The following FLYWCH1 variants were observed in gnomAD, a reference collection of about 807,000 sequenced individuals.
FLYWCH1 encodes FLYWCH-type zinc finger-containing protein 1.
FLYWCH1 carries 75 observed loss-of-function variants against 66.4 expected under a neutral mutation model. That is an observed-to-expected ratio of 1.13 (90% confidence interval 0.94 to 1.37). The LOEUF (loss-of-function observed/expected upper bound fraction) is 1.37. Among genes scored for constraint, FLYWCH1 ranks in the 40% most tolerant of loss-of-function variants. The pLI is 0.00. For missense variants in FLYWCH1, 1,334 were observed against 1,001.8 expected (o/e 1.33, Z -4.48); for synonymous variants, 595 against 429.9 (o/e 1.38, Z -4.75).
intron 2 of FLYWCH1, among the ~76,000 whole-genome samples, chr16:2,921,130 C>CGTGCGCAGCCCCTTGCTGG (rs2070360238): frequency 6.6e-6 from 1 of 152,186 alleles, no homozygotes; most frequent in Non-Finnish European, 1.5e-5. Context: ...CGTGAGCCAC[C>CGTGCGCAGCCCCTTGCTGG]ATTCCCAGAC....
chr16:2,947,868 T>C (rs534678188), intron 9 of FLYWCH1, among the ~76,000 whole-genome samples: 8 of 151,650 alleles, frequency 5.3e-5, no homozygotes, highest in South Asian at 2.1e-4. Context: ...ACCCCATCTC[T>C]ACAAAAAAAA....
rs184749828 is a variant in FLYWCH1 at position 2,917,143 on chromosome 16, G to A, written c.-74+2854G>A. Among the ~76,000 whole-genome samples the A allele has an allele frequency of 4.8e-3, 691 of 145,404 alleles. 7 individuals are homozygous for A. The highest frequency in any genetic ancestry group is 0.017 in the African/African-American group (668 of 40,384). On this transcript the variant is annotated intron_variant, in intron 2 of 9. Coordinates refer to ENST00000253928, the MANE Select transcript of FLYWCH1 (RefSeq NM_001308068.2). The stretch of plus-strand genomic sequence containing the variant: ...TGCACTCCAGCCCAGGTGAAAGAGC[G>A]AAACTCTGTCTCAAAAATAAAAAAA...
In FLYWCH1 at chr16:2,929,669, A is replaced by C. The variant is rs751467215; in HGVS notation, c.-17A>C. The C allele has an allele frequency of 2.5e-6, 4 of 1,603,288 alleles. No homozygotes were observed. The highest frequency in any genetic ancestry group is 2.6e-6 in the Non-Finnish European group (3 of 1,174,836). On this transcript the variant is annotated 5_prime_UTR_variant, in exon 3 of 10. Transcript: ENST00000253928. The stretch of plus-strand genomic sequence containing the variant: ...GGGTGCTGAGCGTGGCCTGAGGGAC[A>C]GGCCCTGGGTCCCGGGATGCCCCTG...
At chr16:2,943,175 C>CT (rs2071342379) in intron 9 of FLYWCH1, among the ~76,000 whole-genome samples, 1 of 152,158 alleles carries the variant, frequency 6.6e-6, no homozygotes. Flanking sequence ...AACGTACCTA[C>CT]ATGAGCAACC....
At chr16:2,930,364 T>G (rs76343455) in intron 3 of FLYWCH1, 46 bp from the exon 4 acceptor site, 1 of 1,257,106 alleles carries the variant, frequency 8.0e-7, no homozygotes, top group South Asian at 1.6e-5. Flanking sequence ...CCTGCGACCC[T>G]GAGCTTTGCT....
Position 2,914,471 on chromosome 16 carries a change from T to C in FLYWCH1, c.-74+182T>C, listed in dbSNP as rs993702019. On this transcript the variant is annotated intron_variant, in intron 2 of 9. Coordinates refer to ENST00000253928, the MANE Select transcript of FLYWCH1 (RefSeq NM_001308068.2). Reference sequence around the variant, plus strand: ...CAGCGTCCCAGTAGGCCATCTGGCATTGCACTCAAATTGCTCCGCACCCTC... The same window carrying C: ...CAGCGTCCCAGTAGGCCATCTGGCACTGCACTCAAATTGCTCCGCACCCTC... Among the ~76,000 whole-genome samples, 3 of 152,204 alleles carry C rather than the reference T, an allele frequency of 2.0e-5. No individual in the cohort carries two copies. The East Asian group carries it at 5.8e-4, about 29-fold the overall frequency.
At chr16:2,938,651 T>C (rs1162291729) in intron 8 of FLYWCH1, among the ~76,000 whole-genome samples, 195 bp downstream of exon 8, 5 of 150,852 alleles carry the variant, frequency 3.3e-5, no homozygotes, top group Admixed American at 1.3e-4. Flanking sequence ...CTTGCTCTGT[T>C]GCCCAGGCTG....
intron 4 of FLYWCH1, among the ~76,000 whole-genome samples, chr16:2,932,398 G>A (rs1186014301): frequency 6.6e-6 from 1 of 151,736 alleles, no homozygotes; most frequent in Non-Finnish European, 1.5e-5. Context: ...AATTTCTGGA[G>A]TTTCAGGAGC....
In FLYWCH1 at chr16:2,938,322, G is replaced by GCCGCAGCCGCGCCATAACCCAGGGCCA; in HGVS notation, c.1922_1948dup (p.Ser641_Arg649dup). The GCCGCAGCCGCGCCATAACCCAGGGCCA allele has an allele frequency of 6.2e-7, 1 of 1,607,672 alleles. No homozygotes were observed. The highest frequency in any genetic ancestry group is 1.3e-5 in the African/African-American group (1 of 74,950). ...TGCCGGGACCAGGCTCGGCTGGGCT[G>GCCGCAGCCGCGCCATAACCCAGGGCCA]CCGCAGCCGCGCCATAACCCAGGGC... On this transcript the variant is annotated inframe_insertion, in exon 8 of 10. Transcript: ENST00000253928.
At chr16:2,932,184 G>C (rs1186639530) in intron 4 of FLYWCH1, among the ~76,000 whole-genome samples, 1 of 149,542 alleles carries the variant, frequency 6.7e-6, no homozygotes, top group Non-Finnish European at 1.5e-5. Flanking sequence ...GGGAGGCTAA[G>C]GCAGAATTGC....
chr16:2,948,844 C>A lies in FLYWCH1; in HGVS notation c.*117C>A. The A allele has an allele frequency of 1.1e-6, 1 of 896,234 alleles. No homozygotes were observed. Among genetic ancestry groups the A allele is most frequent in the Non-Finnish European group, 1.8e-6 (1 of 552,650 alleles). The allele number at this position is 896,234 out of a possible 1,614,324, so 55.5% of individuals were successfully genotyped here. A position where few individuals can be genotyped will look rare whatever the true frequency, so the allele number is the denominator to read the frequency against. On this transcript the variant is annotated 3_prime_UTR_variant, in exon 10 of 10. Transcript: ENST00000253928. ...GAAACTTCTTTTCATTCTTCCAAAG[C>A]ATCGATGGTCTTCGCGTCTCCTCAG...
At chr16:2,948,445 C>G (rs2151036538) in intron 9 of FLYWCH1, among the ~76,000 whole-genome samples, 1 of 152,152 alleles carries the variant, frequency 6.6e-6, no homozygotes, top group East Asian at 1.9e-4. Context: ...CACCTGTAGT[C>G]CCAGCTACTC....
chr16:2,918,994 C>T (rs546989054), intron 2 of FLYWCH1, among the ~76,000 whole-genome samples: 4 of 152,190 alleles, frequency 2.6e-5, no homozygotes, highest in African/African-American at 9.6e-5. Flanking sequence ...TTTGCCCAGG[C>T]TGGAGTGCAG....
chr16:2,933,312 C>A lies in FLYWCH1; in HGVS notation c.979C>A (p.Arg327Ser). The A allele has an allele frequency of 6.2e-7, 1 of 1,610,640 alleles. No individual in the cohort carries two copies. The highest frequency in any genetic ancestry group is 8.5e-7 in the Non-Finnish European group (1 of 1,178,932). The change falls in exon 5 of 10, where the codon CGT becomes AGT. Residue 327 changes from arginine to serine, a missense_variant. Coordinates refer to ENST00000253928, the MANE Select transcript of FLYWCH1 (RefSeq NM_001308068.2). ...CCAGGGACAGCGGGTGACTGTGATG[C>A]GTGGGCACTGCCACCAGCCCGATAT... ...ITQGQRVTVM[R>S]GHCHQPDMEG... is the part of the protein sequence containing the mutation.
At chr16:2,942,007 A>C (rs972649839) in intron 9 of FLYWCH1, among the ~76,000 whole-genome samples, 16 of 150,876 alleles carry the variant, frequency 1.1e-4, no homozygotes, top group African/African-American at 2.9e-4. Flanking sequence ...AAAAAAAAAA[A>C]AAAAAAAAAA....
At chr16:2,917,286 A>G (rs1379383505) in intron 2 of FLYWCH1, among the ~76,000 whole-genome samples, 3 of 145,640 alleles carry the variant, frequency 2.1e-5, no homozygotes, top group East Asian at 2.1e-4. Context: ...CTGGAGTGCA[A>G]TGGTGGGATC....
At chr16:2,946,788 A>C (rs1177396959) in intron 9 of FLYWCH1, among the ~76,000 whole-genome samples, 2 of 152,330 alleles carry the variant, frequency 1.3e-5, no homozygotes, top group South Asian at 2.1e-4. Flanking sequence ...AATGCAAATC[A>C]AGACCACTGT....
At chr16:2,929,578 T>G in intron 2 of FLYWCH1, 35 bp from the exon 3 acceptor site, 1 of 1,389,232 alleles carries the variant, frequency 7.2e-7, no homozygotes. Flanking sequence ...CCCCAAGGGC[T>G]TCCACCACTG....
chr16:2,913,933 C>A (rs1472587133), intron 1 of FLYWCH1, among the ~76,000 whole-genome samples: 1 of 152,084 alleles, frequency 6.6e-6, no homozygotes, highest in Non-Finnish European at 1.5e-5. Flanking sequence ...TGGTCTCGAA[C>A]TCCTGGGCTC....
Sources: allele counts gnomAD v4.1 joint callset (sites outside exome capture counted in the v4.1 genomes callset), GRCh38; gene constraint gnomAD v4.1.1; transcripts MANE v1.5; gene names NCBI Gene and HGNC (gene_info 2026-07-23, HGNC 2026-07-21).